Variants in TSPAN10 observed in about 807,000 individuals in gnomAD.
The protein encoded by TSPAN10 is tetraspanin-10.
A neutral mutation model predicts 15.0 loss-of-function variants in TSPAN10; 11 were observed. That is an observed-to-expected ratio of 0.73 (90% CI 0.46 to 1.21). The LOEUF (loss-of-function observed/expected upper bound fraction) is 1.21. TSPAN10 is among the 50% of genes most tolerant of loss of function. The pLI is 0.00. For synonymous variants in TSPAN10, 241 were observed against 226.2 expected, an observed-to-expected ratio of 1.07 and a Z score of -0.59; for missense variants, 486 against 470.6, an observed-to-expected ratio of 1.03 and a Z score of -0.30.
At chr17:81,645,292 G>C in exon 2 of TSPAN10, 7 of 1,539,260 alleles carry the variant, frequency 4.5e-6, no homozygotes, top group Non-Finnish European at 6.1e-6. Flanking sequence ...AAGTGATCTG[G>C]GGGGGCCCCT....
At chr17:81,639,362 C>A (rs956224789), upstream of TSPAN10, among the ~76,000 whole-genome samples, 3 of 151,928 alleles carry the variant, frequency 2.0e-5, no homozygotes, top group African/African-American at 7.2e-5. Flanking sequence ...CGTGCGCTAC[C>A]ACGCCCGGCT....
At chr17:81,642,547 C>A in intron 1 of TSPAN10, 99 bp downstream of exon 2, 1 of 1,211,024 alleles carries the variant, frequency 8.3e-7, no homozygotes, top group Non-Finnish European at 1.2e-6. Context: ...CACCCCTGCC[C>A]CTGGTGCCAC....
exon 1 of TSPAN10, chr17:81,637,402 C>T (rs1234501693): frequency 4.3e-6 from 3 of 700,410 alleles, no homozygotes; most frequent in Non-Finnish European, 7.8e-6. Flanking sequence ...TCTCTCCATG[C>T]ACAGGTAAGT....
At chr17:81,648,528 C>G (rs1354501066), downstream of TSPAN10, 1 of 336,594 alleles carries the variant, frequency 3.0e-6, no homozygotes, top group South Asian at 1.5e-4. Flanking sequence ...CACGCGGGGC[C>G]GGAGGAAATC....
upstream of TSPAN10, among the ~76,000 whole-genome samples, chr17:81,640,445 A>C: frequency 6.6e-6 from 1 of 151,644 alleles, no homozygotes. Context: ...GGCCCACGCT[A>C]ATGGCACTTA....
upstream of TSPAN10, chr17:81,642,253 TG>T: frequency 1.5e-6 from 1 of 663,040 alleles, no homozygotes; most frequent in Non-Finnish European, 2.6e-6. Flanking sequence ...CTCCGGCATC[TG>T]GGTAGGGCTC....
At chr17:81,645,172 A>G in exon 2 of TSPAN10, 1 of 1,552,690 alleles carries the variant, frequency 6.4e-7, no homozygotes. Flanking sequence ...CTCCCCAGGG[A>G]GCAGCTGCGT....
chr17:81,637,954 T>C (rs1313941732), upstream of TSPAN10: 2 of 137,190 alleles, frequency 1.5e-5, no homozygotes, highest in Non-Finnish European at 3.1e-5. Context: ...AAAAAAGACG[T>C]CACTTCACAG....
chr17:81,648,287 G>A (rs1420829465), exon 3 of TSPAN10: 1 of 1,208,444 alleles, frequency 8.3e-7, no homozygotes, highest in Non-Finnish European at 1.0e-6. Context: ...AAGCCCGCCC[G>A]GGGCTGAGCG....
At position 81,647,618 on chromosome 17, in the gene TSPAN10, C is replaced by G. The variant is rs1057437497; in HGVS notation, c.675-283C>G. The G allele has an allele frequency of 3.1e-5, 20 of 655,252 alleles. No homozygotes were observed. In the Admixed American group the frequency reaches 3.9e-4, roughly 13 times the overall value. The allele number at this position is 655,252 out of a possible 1,614,324, so 40.6% of individuals were successfully genotyped here. On this transcript the variant is annotated intron_variant, in intron 2 of 2. Transcript: ENST00000611590. ...CCTCTTATCAATGCTTGTCTGTTCCCCCTTCAACCGTCTCACTAAATATCC... is the reference window on the plus strand; with the variant it reads ...CCTCTTATCAATGCTTGTCTGTTCCGCCTTCAACCGTCTCACTAAATATCC...
At chr17:81,644,808 C>T (rs779042775) in intron 1 of TSPAN10, among the ~76,000 whole-genome samples, 184 bp from the exon 3 acceptor site, 2 of 152,234 alleles carry the variant, frequency 1.3e-5, no homozygotes, top group Non-Finnish European at 2.9e-5. Context: ...CTCAGCCGAG[C>T]GGGACGGCCC....
chr17:81,645,023 A>G (rs756523544), exon 2 of TSPAN10: 1 of 1,610,238 alleles, frequency 6.2e-7, no homozygotes, highest in Non-Finnish European at 8.5e-7. Flanking sequence ...CTCTCTGTGC[A>G]CAGGCCACCC....
chr17:81,637,426 C>G, upstream of TSPAN10: 1 of 696,234 alleles, frequency 1.4e-6, no homozygotes, highest in Non-Finnish European at 2.6e-6. Context: ...GAAACAATTT[C>G]AGGAAGGCAG....
At chr17:81,646,003 G>A (rs929331950) in intron 2 of TSPAN10, 3 of 370,166 alleles carry the variant, frequency 8.1e-6, no homozygotes, top group Non-Finnish European at 1.5e-5. Context: ...TCAGCCCTGC[G>A]GCCCCCAGAA....
chr17:81,648,064 G>A, exon 3 of TSPAN10: 4 of 1,566,648 alleles, frequency 2.6e-6, no homozygotes, highest in Non-Finnish European at 3.4e-6. Flanking sequence ...GGAGGGCTGC[G>A]GCCCGCCGCT....
At chr17:81,646,032 T>TC (rs797005497) in intron 2 of TSPAN10, 1 of 306,102 alleles carries the variant, frequency 3.3e-6, no homozygotes, top group Non-Finnish European at 6.1e-6. Context: ...GTGACTCTGT[T>TC]CCCCCCGCCA....
chr17:81,639,854 C>A (rs892003156), upstream of TSPAN10, among the ~76,000 whole-genome samples: 16 of 152,100 alleles, frequency 1.1e-4, no homozygotes, highest in African/African-American at 3.9e-4. Context: ...GTGGCGGGTG[C>A]CTGTAGTCCC....
chr17:81,644,624 C>T (rs1050807137), intron 1 of TSPAN10, among the ~76,000 whole-genome samples: 16 of 152,204 alleles, frequency 1.1e-4, no homozygotes, highest in Non-Finnish European at 2.4e-4. Context: ...AAAGCCAGGG[C>T]GACCCTGACC....
At chr17:81,639,101 TC>T (rs753644450), upstream of TSPAN10, 7 of 152,102 alleles carry the variant, frequency 4.6e-5, no homozygotes, top group Non-Finnish European at 1.0e-4. Context: ...CAAGATGGGT[TC>T]AGTTAAGTCC....
Sources: allele counts gnomAD v4.1 joint callset (sites outside exome capture counted in the v4.1 genomes callset), GRCh38; gene constraint gnomAD v4.1.1; transcripts MANE v1.5; gene names NCBI Gene and HGNC (gene_info 2026-07-23, HGNC 2026-07-21).